The following KIF1A variants were observed in gnomAD, a reference collection of about 807,000 sequenced individuals.
KIF1A encodes the protein kinesin family member 1A, also known as kinesin-like protein KIF1A.
Under a neutral mutation model 227.3 loss-of-function variants are expected in KIF1A, and 46 were observed. The observed-to-expected ratio is 0.20, with a 90% confidence interval of 0.16 to 0.26. The LOEUF (loss-of-function observed/expected upper bound fraction) is 0.26. Among genes scored for constraint, KIF1A ranks in the 10% least tolerant of loss-of-function variants. KIF1A has a pLI of 1.00. For missense variants in KIF1A, 1,683 were observed against 2,485.9 expected (o/e 0.68, Z 6.87); for synonymous variants, 1,022 against 1,012.8 (o/e 1.01, Z -0.17).
At chr2:240,760,875 T>C (rs2050430947) in intron 24 of KIF1A, 32 bp from the exon 25 acceptor site, 10 of 1,585,406 alleles carry the variant, frequency 6.3e-6, no homozygotes, top group Non-Finnish European at 7.7e-6. Flanking sequence ...ACTCGTCAGC[T>C]CCTTGGGGGA....
At chr2:240,809,186 T>C (rs1309931611) in intron 1 of KIF1A, among the ~76,000 whole-genome samples, 1 of 152,240 alleles carries the variant, frequency 6.6e-6, no homozygotes, top group Non-Finnish European at 1.5e-5. Flanking sequence ...TCAATGTCAT[T>C]TCATATGAAA....
At chr2:240,723,637 T>C in intron 41 of KIF1A, 79 bp from the exon 42 acceptor site, 1 of 1,436,944 alleles carries the variant, frequency 7.0e-7, no homozygotes, top group Non-Finnish European at 9.3e-7. Context: ...TCCGCCCATC[T>C]GTGAAGCTGT....
At chr2:240,813,558 C>A (rs555203600) in intron 1 of KIF1A, among the ~76,000 whole-genome samples, 11 of 152,186 alleles carry the variant, frequency 7.2e-5, no homozygotes, top group Non-Finnish European at 1.3e-4. Flanking sequence ...AGGAGTGAAG[C>A]CTTCAGTGAG....
intron 34 of KIF1A, among the ~76,000 whole-genome samples, chr2:240,741,796 G>C (rs936041631): frequency 7.9e-5 from 12 of 152,182 alleles, no homozygotes; most frequent in African/African-American, 2.9e-4. Context: ...TACTACACCT[G>C]TCCAAGCACA....
chr2:240,756,114 C>T (rs1041779389), intron 27 of KIF1A, among the ~76,000 whole-genome samples: 1 of 152,162 alleles, frequency 6.6e-6, no homozygotes, highest in Non-Finnish European at 1.5e-5. Flanking sequence ...TGAGGCTTTC[C>T]TTCCACCATC....
At chr2:240,751,883 C>G (rs1046387936) in intron 27 of KIF1A, among the ~76,000 whole-genome samples, 7 of 152,164 alleles carry the variant, frequency 4.6e-5, no homozygotes, top group African/African-American at 1.7e-4. Context: ...CAAGCCTCCT[C>G]AGAGGCCCCA....
At chr2:240,755,865 C>T (rs571183582) in intron 27 of KIF1A, among the ~76,000 whole-genome samples, 20 of 152,254 alleles carry the variant, frequency 1.3e-4, no homozygotes, top group South Asian at 4.2e-4. Context: ...CCTGGCCCTA[C>T]GGCCCGGGGC....
rs1559530227 is a variant in KIF1A, at chr2:240,786,801, C to CCAG, written c.430-289_430-288insCTG. On this transcript the variant is annotated intron_variant, in intron 5 of 48. Transcript: ENST00000498729. ...GGACCCCTGAGTGAGGGGGTGGGGG[C>CCAG]TGCCATCAGGACCCCTGAGTGAGAG... 3.3e-4 allele frequency among the ~76,000 whole-genome samples: 40 copies of CCAG among 121,214 alleles called. 2 individuals are homozygous for CCAG. Among genetic ancestry groups the CCAG allele is most frequent in the African/African-American group, 1.2e-3 (40 of 33,812 alleles). 79.5% of individuals were successfully genotyped at this position (121,214 alleles called of 152,430 possible). A position where few individuals can be genotyped will look rare whatever the true frequency, so the allele number is the denominator to read the frequency against.
In KIF1A at chr2:240,761,299, C is replaced by T. The variant is rs2050497130; in HGVS notation, c.2195G>A (p.Arg732Gln). ...KWKWYQFTSL[R>Q]DLLWGNAIFL... ...GATGGCGTTGCCCCACAGCAGGTCCCGCAGAGACGTGAACTGGTACCACTT... is the reference window on the plus strand; with the variant it reads ...GATGGCGTTGCCCCACAGCAGGTCCTGCAGAGACGTGAACTGGTACCACTT... The change falls in exon 24 of 49, where the codon CGG (arginine) becomes CAG (glutamine). Residue 732 changes from arginine (R) to glutamine (Q), a missense_variant. By Grantham distance (43) the Arg-to-Gln change is conservative. This residue lies in a region of KIF1A where 217 missense variants were observed against 427.0 expected (regional missense o/e 0.51). Transcript: ENST00000498729. 6.2e-7 allele frequency: 1 copy of T among 1,613,916 alleles called. No individual in the cohort carries two copies. Among genetic ancestry groups the T allele is most frequent in the South Asian group, 1.1e-5 (1 of 91,082 alleles).
Position 240,766,745 on chromosome 2 carries a change from TCTCTCACACA to T in KIF1A, c.1684+160_1684+169del, listed in dbSNP as rs1481162643. ...AAATCTCTCTCTCTCTCTCTCTCTC[TCTCTCACACA>T]CACACACACACACACACACACACAC... On this transcript the variant is annotated intron_variant, in intron 19 of 48. Transcript: ENST00000498729. The surrounding 1 kb of genome is among the most constrained non-coding windows in gnomAD (Gnocchi z 5.0). Among the ~76,000 whole-genome samples, 1 of 126,988 alleles carries T rather than the reference TCTCTCACACA, an allele frequency of 7.9e-6. No homozygotes were observed. The allele number at this position is 126,988 out of a possible 152,430, so 83.3% of individuals were successfully genotyped here.
intron 1 of KIF1A, among the ~76,000 whole-genome samples, chr2:240,806,581 C>T (rs142037222): frequency 6.6e-6 from 1 of 152,300 alleles, no homozygotes; most frequent in African/African-American, 2.4e-5. Context: ...ACTGATCAAA[C>T]TGGTCTTCAA....
At chr2:240,782,223 C>T (rs2054138242) in intron 10 of KIF1A, 1 of 983,996 alleles carries the variant, frequency 1.0e-6, no homozygotes, top group African/African-American at 1.7e-5. Context: ...GTCCAGCACG[C>T]CTGTCACCCG....
At chr2:240,806,841 C>T (rs1037027191) in intron 1 of KIF1A, among the ~76,000 whole-genome samples, 3 of 152,070 alleles carry the variant, frequency 2.0e-5, no homozygotes, top group African/African-American at 7.2e-5. Context: ...CAGATTCAGA[C>T]ACTTCTTATA....
At chr2:240,761,745 A>G (rs1327986173) in intron 23 of KIF1A, among the ~76,000 whole-genome samples, 2 of 152,242 alleles carry the variant, frequency 1.3e-5, no homozygotes, top group Admixed American at 6.5e-5. Flanking sequence ...AAAGCTCTGC[A>G]TGCCCCAAAG....
chr2:240,743,905 G>T (rs761293619), intron 33 of KIF1A, 37 bp downstream of exon 33: 1 of 1,351,642 alleles, frequency 7.4e-7, no homozygotes, highest in East Asian at 2.3e-5. Flanking sequence ...GGGCTTTGAG[G>T]ACAGCAGCCC....
At chr2:240,805,566 T>C (rs2057346180) in intron 1 of KIF1A, among the ~76,000 whole-genome samples, 1 of 152,220 alleles carries the variant, frequency 6.6e-6, no homozygotes, top group Non-Finnish European at 1.5e-5. Flanking sequence ...TTTAACACAC[T>C]TCTCACTAAT....
chr2:240,741,403 A>G (rs2125754938), intron 34 of KIF1A, 26 bp from the exon 35 acceptor site: 1 of 1,492,994 alleles, frequency 6.7e-7, no homozygotes, highest in Non-Finnish European at 9.0e-7. Context: ...GGAGGCATGC[A>G]TGGATGGGAG....
Position 240,745,839 on chromosome 2 carries a change from G to C in KIF1A, c.3273C>G (p.Ala1091=). The stretch of plus-strand genomic sequence containing the variant: ...TGTTGCCCAGGCGGAGGTGGTCCAG[G>C]GCAGCATCCAGGGGCCCATCCAGGG... ...KAALDGPLDA[A]LDHLRLGNTF... Residue 1091 remains alanine (A), a synonymous_variant, in exon 31 of 49, where the codon GCC becomes GCG. Transcript: ENST00000498729. 1 of 1,612,802 alleles carries C rather than the reference G, an allele frequency of 6.2e-7. No homozygotes were observed. The highest frequency in any genetic ancestry group is 8.5e-7 in the Non-Finnish European group (1 of 1,179,624).
intron 25 of KIF1A, among the ~76,000 whole-genome samples, chr2:240,759,642 G>C (rs1316514343): frequency 6.6e-6 from 1 of 152,138 alleles, no homozygotes; most frequent in African/African-American, 2.4e-5. Flanking sequence ...CTGCTTCCCA[G>C]GGGCCTGTGA....
Sources: gnomAD v4.1 joint callset for allele counts (sites outside exome capture counted in the v4.1 genomes callset) on GRCh38, gnomAD v4.1.1 for gene constraint, gnomAD v4.1.1 regional missense constraint, Gnocchi (gnomAD v3.1) non-coding constraint, MANE v1.5 for transcripts, NCBI Gene and HGNC (gene_info 2026-07-23, HGNC 2026-07-21) for gene names.